Variants in DIXDC1 observed in about 807,000 individuals in gnomAD.
DIXDC1 encodes DIX domain containing 1.
A neutral mutation model predicts 103.1 loss-of-function variants in DIXDC1; 64 were observed. That is an observed-to-expected ratio of 0.62 (90% CI 0.51 to 0.76). The LOEUF (loss-of-function observed/expected upper bound fraction) is 0.76. DIXDC1 is among the 30% of genes least tolerant of loss of function. The pLI is 0.00. For synonymous variants in DIXDC1, 266 were observed against 298.5 expected, an observed-to-expected ratio of 0.89 and a Z score of 1.12; for missense variants, 759 against 834.2, an observed-to-expected ratio of 0.91 and a Z score of 1.11.
At chr11:111,986,539 G>A (rs1196957256) in intron 8 of DIXDC1, among the ~76,000 whole-genome samples, 5 of 151,474 alleles carry the variant, frequency 3.3e-5, no homozygotes, top group African/African-American at 1.2e-4. Flanking sequence ...TAATTTTTGT[G>A]TTTTTAGTAG....
chr11:111,977,763 A>AG lies in DIXDC1; in HGVS notation c.656+2785dup. On this transcript the variant is annotated intron_variant, in intron 5 of 19. Transcript: ENST00000440460. This position sits in a 1 kb window ranked among gnomAD's most constrained non-coding sequence, Gnocchi z 6.1. ...CAGGCTTGCTGAAGCCCGAGACAGG[A>AG]GGGGGACCATGGGAGGGACGCAAGT... 6.4e-6 allele frequency: 10 copies of AG among 1,564,784 alleles called. No homozygotes were observed. Among genetic ancestry groups the AG allele is most frequent in the Non-Finnish European group, 8.7e-6 (10 of 1,155,490 alleles).
chr11:111,965,401 CAAA>C (rs1221765853), intron 2 of DIXDC1, among the ~76,000 whole-genome samples: 5 of 152,300 alleles, frequency 3.3e-5, no homozygotes, highest in Admixed American at 6.5e-5. Context: ...AAGCTCTAGC[CAAA>C]TGCACATAAT....
At chr11:111,957,997 G>A (rs1859443908) in intron 1 of DIXDC1, among the ~76,000 whole-genome samples, 1 of 152,216 alleles carries the variant, frequency 6.6e-6, no homozygotes, top group Non-Finnish European at 1.5e-5. Flanking sequence ...GAGTTGGCAG[G>A]GTGGGAGCTT....
intron 1 of DIXDC1, chr11:111,927,417 A>C (rs1278953988): frequency 1.3e-5 from 2 of 152,584 alleles, no homozygotes; most frequent in Admixed American, 6.5e-5. Context: ...GAGTAACAAA[A>C]ATATTACCCA....
chr11:111,988,881 T>C, intron 9 of DIXDC1, 124 bp from the exon 10 acceptor site: 1 of 746,080 alleles, frequency 1.3e-6, no homozygotes. Context: ...TTTTCTGCCT[T>C]AGTAGAGGGT....
chr11:111,977,833 TGG>T lies in DIXDC1; in HGVS notation c.656+2852_656+2853del. 6.5e-7 allele frequency: 1 copy of T among 1,536,580 alleles called. No homozygotes were observed. The highest frequency in any genetic ancestry group is 1.2e-5 in the South Asian group (1 of 82,836). On this transcript the variant is annotated intron_variant, in intron 5 of 19. Transcript: ENST00000440460. The surrounding 1 kb of genome is among the most constrained non-coding windows in gnomAD (Gnocchi z 6.1). Reference sequence around the variant, plus strand: ...ACTCTGGCTTTGGAAGTGGGGGGCCTGGGTGGGAACAGGGGCAGGGCTGGAGG... The same window carrying T: ...ACTCTGGCTTTGGAAGTGGGGGGCCTGTGGGAACAGGGGCAGGGCTGGAGG...
rs988982325 is a variant in DIXDC1 at position 111,964,535 on chromosome 11, C to A, written c.61-14C>A. The stretch of plus-strand genomic sequence containing the variant: ...TATGCTCTCTTTCCCTTACTTATAT[C>A]TTTTATTTTCCAGCAACAGCTGCAG... On this transcript the variant is annotated splice_polypyrimidine_tract_variant and intron_variant, in intron 1 of 19. Transcript: ENST00000440460. 9 of 1,581,590 alleles carry A rather than the reference C, an allele frequency of 5.7e-6. No individual in the cohort carries two copies. The highest frequency in any genetic ancestry group is 1.3e-5 in the African/African-American group (1 of 74,284).
chr11:111,940,717 C>T (rs192847317), intron 1 of DIXDC1, among the ~76,000 whole-genome samples: 34 of 152,238 alleles, frequency 2.2e-4, no homozygotes, highest in Non-Finnish European at 3.8e-4. Context: ...TCAGTTCCTG[C>T]TTCCAAGGAG....
chr11:112,012,944 T>C (rs1861468820), intron 17 of DIXDC1, among the ~76,000 whole-genome samples: 2 of 152,226 alleles, frequency 1.3e-5, no homozygotes, highest in African/African-American at 4.8e-5. Flanking sequence ...TTACTCTCTC[T>C]TTGACATTCT....
chr11:111,986,950 C>T (rs782599395), intron 9 of DIXDC1, 26 bp downstream of exon 9: 4 of 1,555,236 alleles, frequency 2.6e-6, no homozygotes, highest in Non-Finnish European at 3.5e-6. Flanking sequence ...TACATTTTAC[C>T]CCTTAAAAAC....
intron 5 of DIXDC1, among the ~76,000 whole-genome samples, chr11:111,979,292 T>C (rs1179947418): frequency 6.6e-6 from 1 of 152,136 alleles, no homozygotes; most frequent in Non-Finnish European, 1.5e-5. Context: ...CTGGCTCTTG[T>C]TTTTTACTGG....
intron 7 of DIXDC1, among the ~76,000 whole-genome samples, chr11:111,983,414 G>A (rs45534138): frequency 6.9e-6 from 1 of 144,154 alleles, no homozygotes; most frequent in Non-Finnish European, 1.6e-5. Flanking sequence ...GAGAAGTGTG[G>A]GAGGAATGTT....
Position 112,017,957 on chromosome 11 carries a change from C to A in DIXDC1, c.1971+72C>A. 1 of 1,257,914 alleles carries A rather than the reference C, an allele frequency of 7.9e-7. No homozygotes were observed. The highest frequency in any genetic ancestry group is 1.1e-6 in the Non-Finnish European group (1 of 890,562). 77.9% of individuals were successfully genotyped at this position (1,257,914 alleles called of 1,614,324 possible). A position where few individuals can be genotyped will look rare whatever the true frequency, so the allele number is the denominator to read the frequency against. On this transcript the variant is annotated intron_variant, in intron 19 of 19. Coordinates refer to ENST00000440460, the MANE Select transcript of DIXDC1 (RefSeq NM_001037954.4). The surrounding 1 kb of genome is among the most constrained non-coding windows in gnomAD (Gnocchi z 4.0). Reference sequence around the variant, plus strand: ...AACCCTGAAGCCTCCTGTTCAAGCACTAGTGTCCAGAAGTACATGAGTTCC... The same window carrying A: ...AACCCTGAAGCCTCCTGTTCAAGCAATAGTGTCCAGAAGTACATGAGTTCC...
At chr11:111,984,491 T>TCCCCC (rs1860424658) in intron 7 of DIXDC1, among the ~76,000 whole-genome samples, 1 of 152,042 alleles carries the variant, frequency 6.6e-6, no homozygotes, top group African/African-American at 2.4e-5. Context: ...TGAGCCAAAA[T>TCCCCC]CGGGCCACCG....
At chr11:112,013,258 T>C (rs1861478829) in intron 17 of DIXDC1, among the ~76,000 whole-genome samples, 1 of 123,654 alleles carries the variant, frequency 8.1e-6, no homozygotes, top group Non-Finnish European at 1.6e-5. Context: ...TTAAAGGCCC[T>C]ATCTCCAAAA....
chr11:112,003,083 C>G (rs1861118563), intron 17 of DIXDC1, among the ~76,000 whole-genome samples: 1 of 152,000 alleles, frequency 6.6e-6, no homozygotes, highest in Non-Finnish European at 1.5e-5. Flanking sequence ...TAACCAGAGG[C>G]TGGGAAGGCT....
intron 17 of DIXDC1, among the ~76,000 whole-genome samples, chr11:112,015,706 G>A (rs1353171423): frequency 3.3e-5 from 5 of 151,042 alleles, no homozygotes; most frequent in Non-Finnish European, 5.9e-5. Flanking sequence ...GGAGGCTGAG[G>A]CACGAGAATG....
At position 112,017,121 on chromosome 11, in the gene DIXDC1, T is replaced by G. The variant is rs188599067; in HGVS notation, c.1862+325T>G. Among the ~76,000 whole-genome samples, 27 of 151,932 alleles carry G rather than the reference T, an allele frequency of 1.8e-4. No individual in the cohort carries two copies. Among genetic ancestry groups the G allele is most frequent in the East Asian group, 1.4e-3 (7 of 5,176 alleles). ...TTCAAAATAGCTCCTGCTGATACAA[T>G]GGATTGCAGCCTGGCACTCACTCCA... On this transcript the variant is annotated intron_variant, in intron 18 of 19. Transcript: ENST00000440460. The surrounding 1 kb of genome is among the most constrained non-coding windows in gnomAD (Gnocchi z 4.0).
At chr11:111,981,815 T>C (rs917051142) in intron 6 of DIXDC1, among the ~76,000 whole-genome samples, 2 of 152,114 alleles carry the variant, frequency 1.3e-5, no homozygotes, top group African/African-American at 2.4e-5. Context: ...AAAATAAAAG[T>C]GATATTAAAC....
Sources: gnomAD v4.1 joint callset for allele counts (sites outside exome capture counted in the v4.1 genomes callset) on GRCh38, gnomAD v4.1.1 for gene constraint, Gnocchi (gnomAD v3.1) non-coding constraint, MANE v1.5 for transcripts, NCBI Gene and HGNC (gene_info 2026-07-23, HGNC 2026-07-21) for gene names.